Variants in COL28A1 observed in about 807,000 individuals in gnomAD.
The protein encoded by COL28A1 is collagen type XXVIII alpha 1 chain.
Under a neutral mutation model 150.2 loss-of-function variants are expected in COL28A1, and 161 were observed. That is an observed-to-expected ratio of 1.07 (90% confidence interval 0.94 to 1.22). The LOEUF (loss-of-function observed/expected upper bound fraction) is 1.22, where lower values mean the gene tolerates loss of function less well. Ranked by LOEUF, COL28A1 falls within the 50% of genes most tolerant of loss-of-function variation. The pLI is 0.00. For missense variants in COL28A1, 1,617 were observed against 1,388.3 expected, an observed-to-expected ratio of 1.16 and a Z score of -2.62; for synonymous variants, 552 against 469.7, an observed-to-expected ratio of 1.18 and a Z score of -2.26.
chr7:7,466,338 T>A (rs1448148244), intron 15 of COL28A1, among the ~76,000 whole-genome samples: 1 of 146,020 alleles, frequency 6.8e-6, no homozygotes, highest in Non-Finnish European at 1.5e-5. Context: ...TGTGATCAAC[T>A]GGAAGAAAGG....
chr7:7,343,921 T>C, the COL28A1 span, among the ~76,000 whole-genome samples: 5 of 151,918 alleles, frequency 3.3e-5, no homozygotes, highest in Non-Finnish European at 5.9e-5. Context: ...GGTGGGAGGA[T>C]AGCTTGAGCC....
intron 15 of COL28A1, among the ~76,000 whole-genome samples, chr7:7,459,914 T>C (rs1787476707): frequency 6.6e-6 from 1 of 152,188 alleles, no homozygotes; most frequent in African/African-American, 2.4e-5. Context: ...GCAAACACTA[T>C]ATAAAACCCT....
intron 18 of COL28A1, 87 bp from the exon 19 acceptor site, chr7:7,444,576 A>G (rs377425994): frequency 6.0e-6 from 8 of 1,324,382 alleles, no homozygotes; most frequent in Non-Finnish European, 8.5e-6. Context: ...ACAGTGTCTG[A>G]GAAAAGCCTC....
the COL28A1 span, among the ~76,000 whole-genome samples, chr7:7,541,766 T>C: frequency 6.6e-6 from 1 of 152,162 alleles, no homozygotes; most frequent in African/African-American, 2.4e-5. Context: ...ACTACTCTTA[T>C]ATAGGATCAA....
At chr7:7,372,461 A>C (rs560748393) in intron 32 of COL28A1, among the ~76,000 whole-genome samples, 18 of 151,654 alleles carry the variant, frequency 1.2e-4, no homozygotes, top group Non-Finnish European at 2.5e-4. Context: ...TTTTGAGATA[A>C]ATTCCCGATA....
upstream of COL28A1, among the ~76,000 whole-genome samples, chr7:7,540,343 T>C (rs1317141038): frequency 1.3e-5 from 2 of 152,278 alleles, no homozygotes; most frequent in Non-Finnish European, 2.9e-5. Flanking sequence ...TTAGACAGTG[T>C]TATTCTAGAT....
downstream of COL28A1, among the ~76,000 whole-genome samples, chr7:7,354,984 C>T (rs1780314487): frequency 1.3e-5 from 2 of 152,080 alleles, no homozygotes; most frequent in South Asian, 2.1e-4. Context: ...GGACATTTCT[C>T]ACCCAAGAAA....
chr7:7,495,226 C>T (rs1007979829), intron 11 of COL28A1, among the ~76,000 whole-genome samples: 3 of 151,242 alleles, frequency 2.0e-5, no homozygotes, highest in African/African-American at 7.3e-5. Flanking sequence ...ATTTTTTTAC[C>T]ATCTTTTAAT....
At chr7:7,401,613 C>T (rs958633086) in intron 27 of COL28A1, among the ~76,000 whole-genome samples, 1 of 151,972 alleles carries the variant, frequency 6.6e-6, no homozygotes, top group Non-Finnish European at 1.5e-5. Context: ...TATATTATAC[C>T]CCATATTCAG....
At chr7:7,343,479 A>T in the COL28A1 span, among the ~76,000 whole-genome samples, 1 of 152,078 alleles carries the variant, frequency 6.6e-6, no homozygotes, top group Non-Finnish European at 1.5e-5. Context: ...CACTGCACAT[A>T]ATCGGCTGTT....
chr7:7,511,667 G>C (rs994776052), intron 8 of COL28A1: 5 of 460,860 alleles, frequency 1.1e-5, no homozygotes, highest in African/African-American at 2.0e-5. Flanking sequence ...CCACCTAGTA[G>C]TGTTCACCTG....
At chr7:7,371,779 CTT>C (rs1781232180) in intron 32 of COL28A1, among the ~76,000 whole-genome samples, 1 of 152,200 alleles carries the variant, frequency 6.6e-6, no homozygotes, top group South Asian at 2.1e-4. Flanking sequence ...AAAGGATAAA[CTT>C]AGCATAGAGA....
intron 18 of COL28A1, among the ~76,000 whole-genome samples, chr7:7,445,204 A>G (rs1221665644): frequency 2.0e-5 from 3 of 152,228 alleles, no homozygotes; most frequent in African/African-American, 7.2e-5. Flanking sequence ...AGTTATTTAA[A>G]GCAATGAGAG....
Position 7,506,036 on chromosome 7 carries a change from G to C in COL28A1, c.1004C>G (p.Pro335Arg), listed in dbSNP as rs1278816924. The change falls in exon 11 of 35, where the codon CCA becomes CGA. Residue 335 changes from proline (P) to arginine (R), a missense_variant. Transcript: ENST00000399429. The stretch of plus-strand genomic sequence containing the variant: ...TACCTTATTGCCTTGAAACCCCTTT[G>C]GGCCTGGGTCTCCTGGAGGTCCAGT... The part of the protein sequence containing the change: ...GITGPPGDPG[P>R]KGFQGNKGEP... 1 of 1,476,040 alleles carries C rather than the reference G, an allele frequency of 6.8e-7. No homozygotes were observed. Among genetic ancestry groups the C allele is most frequent in the East Asian group, 2.3e-5 (1 of 44,294 alleles). The allele number at this position is 1,476,040 out of a possible 1,614,324, so 91.4% of individuals were successfully genotyped here.
At chr7:7,397,890 T>G (rs1202965489) in intron 27 of COL28A1, among the ~76,000 whole-genome samples, 1 of 152,202 alleles carries the variant, frequency 6.6e-6, no homozygotes, top group Non-Finnish European at 1.5e-5. Flanking sequence ...CATCGCATAA[T>G]GAAGAATCCC....
intron 17 of COL28A1, among the ~76,000 whole-genome samples, chr7:7,453,132 T>C (rs1450280909): frequency 3.3e-5 from 5 of 152,324 alleles, no homozygotes; most frequent in Admixed American, 3.3e-4. Context: ...TTAGCCAACC[T>C]AGAGAGACAC....
chr7:7,504,658 G>A (rs1041700769), intron 11 of COL28A1, among the ~76,000 whole-genome samples: 1 of 152,178 alleles, frequency 6.6e-6, no homozygotes, highest in Non-Finnish European at 1.5e-5. Context: ...GCCCTCCACA[G>A]ATGATGGGAC....
At chr7:7,482,493 C>T (rs1779388905) in intron 13 of COL28A1, among the ~76,000 whole-genome samples, 2 of 150,920 alleles carry the variant, frequency 1.3e-5, no homozygotes, top group African/African-American at 4.9e-5. Flanking sequence ...CAATTGTGCT[C>T]CAGCCTGGGG....
chr7:7,409,469 C>A (rs575204055), intron 27 of COL28A1, among the ~76,000 whole-genome samples: 61 of 152,038 alleles, frequency 4.0e-4, no homozygotes, highest in African/African-American at 9.4e-4. Context: ...AGAAAAAAAA[C>A]CAATTTAAAC....
Sources: gnomAD v4.1 joint callset for allele counts (sites outside exome capture counted in the v4.1 genomes callset) on GRCh38, gnomAD v4.1.1 for gene constraint, MANE v1.5 for transcripts, NCBI Gene and HGNC (gene_info 2026-07-23, HGNC 2026-07-21) for gene names.